CADM2: variants seen among roughly 807,000 people sequenced by gnomAD.
CADM2 encodes the protein cell adhesion molecule 2.
In CADM2, 12 loss-of-function variants were observed where a neutral mutation model predicts 49.8. The ratio of observed to expected loss-of-function variants is 0.24; its 90% confidence interval spans 0.15 to 0.39. The LOEUF (loss-of-function observed/expected upper bound fraction) is 0.39, where lower values mean the gene tolerates loss of function less well. Ranked by LOEUF, CADM2 falls within the 10% of genes least tolerant of loss-of-function variation. The pLI, the probability that CADM2 is intolerant of heterozygous loss-of-function variation, is 1.00. For synonymous variants in CADM2, 214 were observed against 175.4 expected (o/e 1.22, Z -1.74); for missense variants, 378 against 492.3 (o/e 0.77, Z 2.20).
At position 85,637,616 on chromosome 3, in the gene CADM2, A is replaced by T. The variant is rs199909450; in HGVS notation, c.62-88906A>T. 4.6e-3 allele frequency among the ~76,000 whole-genome samples: 436 copies of T among 95,790 alleles called. 15 individuals are homozygous for T. Among genetic ancestry groups the T allele is most frequent in the African/African-American group, 9.7e-3 (193 of 19,828 alleles). 62.8% of individuals were successfully genotyped at this position (95,790 alleles called of 152,430 possible). Reference sequence around the variant, plus strand: ...AGAGCGAGACTCCGTCTCAAAAAAAAAAAAAAAAATAAAATAAAATAAATA... The same window carrying T: ...AGAGCGAGACTCCGTCTCAAAAAAATAAAAAAAAATAAAATAAAATAAATA... On this transcript the variant is annotated intron_variant, in intron 1 of 9. Coordinates refer to ENST00000383699, the MANE Select transcript of CADM2 (RefSeq NM_001167675.2).
At chr3:85,935,115 T>G (rs1230765999) in intron 6 of CADM2, among the ~76,000 whole-genome samples, 1 of 152,130 alleles carries the variant, frequency 6.6e-6, no homozygotes. Flanking sequence ...TCACTAGGGA[T>G]GATTTATTGT....
chr3:85,196,026 A>T (rs972758753), intron 1 of CADM2, among the ~76,000 whole-genome samples: 2 of 152,074 alleles, frequency 1.3e-5, no homozygotes, highest in African/African-American at 4.8e-5. Flanking sequence ...ATTTAATCTG[A>T]GTCTGACAAT....
rs773595818 is a variant in CADM2, at chr3:85,421,344, G to C, written c.62-305178G>C. On this transcript the variant is annotated intron_variant, in intron 1 of 9. Coordinates refer to ENST00000383699, the MANE Select transcript of CADM2 (RefSeq NM_001167675.2). ...TGCTTTAATGTATTTCTGTATACAA[G>C]TGTTTCTATTTTTAAGAGTGTAGGC... Among the ~76,000 whole-genome samples, 5 of 152,236 alleles carry C rather than the reference G, an allele frequency of 3.3e-5. No homozygotes were observed. In the South Asian group the frequency reaches 1.0e-3, roughly 32 times the overall value.
intron 7 of CADM2, among the ~76,000 whole-genome samples, chr3:85,951,749 C>T (rs1723450956): frequency 6.6e-6 from 1 of 150,972 alleles, no homozygotes; most frequent in South Asian, 2.1e-4. Flanking sequence ...ATGATGACTT[C>T]AAGGACAGTA....
chr3:85,136,275 C>A lies in CADM2; in HGVS notation c.61+176607C>A, dbSNP rs544569736. ...ATAAGAAGCTGATAGTGGAATTCAC[C>A]CTCCTAAATGTAGCTTTTATTTATT... On this transcript the variant is annotated intron_variant, in intron 1 of 9. Coordinates refer to ENST00000383699, the MANE Select transcript of CADM2 (RefSeq NM_001167675.2). Among the ~76,000 whole-genome samples the A allele has an allele frequency of 1.1e-4, 16 of 150,944 alleles. 1 individual carries two copies. Among genetic ancestry groups the A allele is most frequent in the Admixed American group, 9.9e-4 (15 of 15,092 alleles).
intron 7 of CADM2, among the ~76,000 whole-genome samples, chr3:85,951,399 A>G (rs111286468): frequency 6.6e-6 from 1 of 151,116 alleles, no homozygotes; most frequent in African/African-American, 2.4e-5. Context: ...TGGGTAATTT[A>G]TTCAATCCTC....
chr3:85,727,673 A>G lies in CADM2; in HGVS notation c.88+1125A>G, dbSNP rs188568353. ...AAGGATGAGAAGTGTAGTTTTAGGAATGAGGAATTACAAACTATACACACT... is the reference window on the plus strand; with the variant it reads ...AAGGATGAGAAGTGTAGTTTTAGGAGTGAGGAATTACAAACTATACACACT... On this transcript the variant is annotated intron_variant, in intron 2 of 9. Transcript: ENST00000383699. 5.3e-5 allele frequency among the ~76,000 whole-genome samples: 8 copies of G among 152,284 alleles called. No individual in the cohort carries two copies. The East Asian group carries it at 1.4e-3, about 26-fold the overall frequency.
chr3:85,899,352 T>G (rs1158745571), intron 5 of CADM2, among the ~76,000 whole-genome samples: 1 of 152,170 alleles, frequency 6.6e-6, no homozygotes, highest in Non-Finnish European at 1.5e-5. Flanking sequence ...ACAAAAATTA[T>G]ACATATACAT....
intron 2 of CADM2, among the ~76,000 whole-genome samples, chr3:85,785,279 G>T (rs2070915144): frequency 6.6e-6 from 1 of 151,734 alleles, no homozygotes; most frequent in Admixed American, 6.6e-5. Flanking sequence ...ATTTATTTCT[G>T]CTCCGATCTT....
intron 8 of CADM2, among the ~76,000 whole-genome samples, chr3:85,999,654 GA>G (rs1359576195): frequency 3.4e-5 from 5 of 148,416 alleles, no homozygotes; most frequent in African/African-American, 7.5e-5. Flanking sequence ...AGAAAGGAAA[GA>G]AAAAAGAAAG....
intron 1 of CADM2, among the ~76,000 whole-genome samples, chr3:85,202,465 T>G (rs1212433964): frequency 2.0e-5 from 3 of 152,118 alleles, no homozygotes; most frequent in Non-Finnish European, 4.4e-5. Flanking sequence ...TGACTAAGGG[T>G]ATTGTTGAGA....
chr3:85,267,705 T>A (rs141141074), intron 1 of CADM2, among the ~76,000 whole-genome samples: 74 of 151,714 alleles, frequency 4.9e-4, no homozygotes, highest in Admixed American at 4.2e-3. Flanking sequence ...ATATGCCTGA[T>A]GCAAGCTGAG....
At chr3:85,591,857 G>A (rs1332937494) in intron 1 of CADM2, among the ~76,000 whole-genome samples, 1 of 151,974 alleles carries the variant, frequency 6.6e-6, no homozygotes, top group African/African-American at 2.4e-5. Flanking sequence ...GTATTTGATG[G>A]AAGGGACTGA....
At position 84,989,987 on chromosome 3, in the gene CADM2, T is replaced by G. The variant is rs1321800747; in HGVS notation, c.61+30319T>G. On this transcript the variant is annotated intron_variant, in intron 1 of 9. Coordinates refer to ENST00000383699, the MANE Select transcript of CADM2 (RefSeq NM_001167675.2). The stretch of plus-strand genomic sequence containing the variant: ...GAAGAAAATTAAATATGGTTACAGA[T>G]TCTTAATAAGACAAGTGATGAATAT... 2.6e-5 allele frequency among the ~76,000 whole-genome samples: 4 copies of G among 152,046 alleles called. No homozygotes were observed. The East Asian group carries it at 7.7e-4, about 29-fold the overall frequency.
intron 1 of CADM2, among the ~76,000 whole-genome samples, chr3:85,706,907 AC>A (rs2066967823): frequency 6.6e-6 from 1 of 152,192 alleles, no homozygotes; most frequent in African/African-American, 2.4e-5. Context: ...TTAGAATGGT[AC>A]AAATATAATT....
chr3:85,230,716 G>C (rs1482052698), intron 1 of CADM2, among the ~76,000 whole-genome samples: 1 of 152,132 alleles, frequency 6.6e-6, no homozygotes, highest in Non-Finnish European at 1.5e-5. Flanking sequence ...GGAAAATAGG[G>C]AGAAATTAAG....
chr3:85,374,803 G>A (rs1040867542), intron 1 of CADM2, among the ~76,000 whole-genome samples: 3 of 152,006 alleles, frequency 2.0e-5, no homozygotes, highest in Non-Finnish European at 2.9e-5. Flanking sequence ...CAGCAGAACA[G>A]CAAGGGAAAA....
chr3:85,223,286 T>TG (rs2042080781), intron 1 of CADM2, among the ~76,000 whole-genome samples: 1 of 152,152 alleles, frequency 6.6e-6, no homozygotes, highest in Admixed American at 6.6e-5. Context: ...ATATACTCTG[T>TG]GGGGAAGATA....
intron 1 of CADM2, among the ~76,000 whole-genome samples, chr3:85,230,217 T>C (rs553387986): frequency 0.066 from 10,054 of 152,224 alleles, 1,087 homozygotes; most frequent in African/African-American, 0.23. Flanking sequence ...GTGGTAGACT[T>C]CAGATCTTTG....
Sources: allele counts gnomAD v4.1 joint callset (sites outside exome capture counted in the v4.1 genomes callset), GRCh38; gene constraint gnomAD v4.1.1; transcripts MANE v1.5; gene names NCBI Gene and HGNC (gene_info 2026-07-23, HGNC 2026-07-21).